Variants in SAXO4 observed in about 807,000 individuals in gnomAD.
The protein encoded by SAXO4 is protein phosphatase 1 regulatory subunit 32.
chr11:61,482,484 G>A, the SAXO4 span: 1 of 1,576,996 alleles, frequency 6.3e-7, no homozygotes, highest in Middle Eastern at 1.7e-4. Flanking sequence ...ACCAACTCCA[G>A]GTTCCTTGGA....
At chr11:61,484,792 G>C in the SAXO4 span, 3 of 1,603,850 alleles carry the variant, frequency 1.9e-6, no homozygotes, top group Non-Finnish European at 2.6e-6. Context: ...GCCAGGACCC[G>C]CTGGAGCGGG....
chr11:61,488,301 CTTTTTTT>C, the SAXO4 span, among the ~76,000 whole-genome samples: 1 of 107,410 alleles, frequency 9.3e-6, no homozygotes, highest in Non-Finnish European at 1.8e-5. Context: ...AGTACAATTC[CTTTTTTT>C]TTTTTTTTTT....
chr11:61,481,874 C>T, the SAXO4 span: 275 of 1,572,102 alleles, frequency 1.7e-4, 1 homozygote, highest in Admixed American at 4.9e-4. Context: ...GGGGGCTACA[C>T]GGACCCCCTG....
At chr11:61,486,741 G>T in the SAXO4 span, 1 of 974,070 alleles carries the variant, frequency 1.0e-6, no homozygotes, top group Non-Finnish European at 1.6e-6. Flanking sequence ...TAGGCCCTCA[G>T]GTGGAGGGTG....
At chr11:61,490,469 A>G in the SAXO4 span, 4 of 1,593,992 alleles carry the variant, frequency 2.5e-6, no homozygotes, top group Non-Finnish European at 3.4e-6. Context: ...GCCTGCCAAC[A>G]CCCCCAACAC....
chr11:61,483,073 C>T, the SAXO4 span, among the ~76,000 whole-genome samples: 21 of 151,936 alleles, frequency 1.4e-4, no homozygotes, highest in Non-Finnish European at 3.1e-4. Flanking sequence ...CTCACACTCC[C>T]GTCCACACCT....
chr11:61,486,262 G>T, the SAXO4 span: 5 of 1,441,360 alleles, frequency 3.5e-6, no homozygotes, highest in South Asian at 4.7e-5. Context: ...CACAGCAGTG[G>T]CCTGGAGGCA....
At chr11:61,482,569 C>T in the SAXO4 span, 1 of 1,600,240 alleles carries the variant, frequency 6.2e-7, no homozygotes, top group Middle Eastern at 1.7e-4. Flanking sequence ...TCTGAGCCAT[C>T]TGTGGGAGGG....
the SAXO4 span, among the ~76,000 whole-genome samples, chr11:61,490,305 G>A: frequency 6.6e-6 from 1 of 152,200 alleles, no homozygotes; most frequent in Non-Finnish European, 1.5e-5. Context: ...GCTCCTTTCT[G>A]CTCAATTCAA....
At chr11:61,487,252 T>G in the SAXO4 span, 2 of 1,610,058 alleles carry the variant, frequency 1.2e-6, no homozygotes, top group Non-Finnish European at 1.7e-6. Flanking sequence ...TGAGGTCCGC[T>G]TCCTGGTCCA....
At chr11:61,483,462 A>G in the SAXO4 span, among the ~76,000 whole-genome samples, 10 of 151,796 alleles carry the variant, frequency 6.6e-5, no homozygotes, top group Non-Finnish European at 1.2e-4. Context: ...CACTGCGCCC[A>G]GCCCCATCTT....
the SAXO4 span, chr11:61,489,804 G>C: frequency 1.2e-6 from 2 of 1,613,932 alleles, no homozygotes; most frequent in Admixed American, 3.3e-5. Context: ...CATCCCCAAG[G>C]GTCTAGACCA....
chr11:61,490,860 C>A, the SAXO4 span: 13 of 508,462 alleles, frequency 2.6e-5, no homozygotes, highest in African/African-American at 1.2e-4. Context: ...TCTGTACCCC[C>A]ACTCCATCCC....
chr11:61,482,716 C>G, the SAXO4 span: 2 of 1,614,026 alleles, frequency 1.2e-6, no homozygotes, highest in Non-Finnish European at 1.7e-6. Context: ...CCTGGAGGTG[C>G]CTGACGGCAA....
At chr11:61,487,279 G>A in the SAXO4 span, 1 of 1,536,738 alleles carries the variant, frequency 6.5e-7, no homozygotes, top group Non-Finnish European at 9.0e-7. Context: ...AAACCCATTT[G>A]AGAAACAGAC....
chr11:61,485,261 C>A, the SAXO4 span: 1 of 1,306,064 alleles, frequency 7.7e-7, no homozygotes, highest in African/African-American at 1.5e-5. Context: ...AGAACCGAGG[C>A]GCCACTCCAC....
the SAXO4 span, chr11:61,490,635 C>T: frequency 4.0e-5 from 59 of 1,493,516 alleles, no homozygotes; most frequent in Middle Eastern, 1.7e-4. Flanking sequence ...TGTGGGCAAC[C>T]GTTATGGGCC....
the SAXO4 span, among the ~76,000 whole-genome samples, chr11:61,488,069 CT>C: frequency 6.6e-6 from 1 of 151,616 alleles, no homozygotes; most frequent in African/African-American, 2.4e-5. Flanking sequence ...TCACCGCAAC[CT>C]TCGCCTCATG....
chr11:61,482,244 G>GGCCCTGCCTGGGAA, the SAXO4 span: 1 of 1,439,720 alleles, frequency 6.9e-7, no homozygotes, highest in South Asian at 1.2e-5. Context: ...GGAGGACGCT[G>GGCCCTGCCTGGGAA]GCCCTGCCTG....
Sources: allele counts gnomAD v4.1 joint callset (sites outside exome capture counted in the v4.1 genomes callset), GRCh38; gene constraint gnomAD v4.1.1; transcripts MANE v1.5; gene names NCBI Gene and HGNC (gene_info 2026-07-23, HGNC 2026-07-21).